GRM7: variants seen among roughly 807,000 people sequenced by gnomAD.
GRM7 encodes glutamate metabotropic receptor 7.
In GRM7, 35 loss-of-function variants were observed where a neutral mutation model predicts 84.5. The ratio of observed to expected loss-of-function variants is 0.41; its 90% CI spans 0.32 to 0.55. The LOEUF (loss-of-function observed/expected upper bound fraction) is 0.55. Among genes scored for constraint, GRM7 ranks in the 20% least tolerant of loss-of-function variants. GRM7 has a pLI of 0.19. For synonymous variants in GRM7, 487 were observed against 455.1 expected (o/e 1.07, Z -0.89); for missense variants, 1,003 against 1,194.6 (o/e 0.84, Z 2.36).
intron 1 of GRM7, among the ~76,000 whole-genome samples, chr3:6,978,215 GT>G (rs921190478): frequency 2.2e-4 from 34 of 152,268 alleles, no homozygotes; most frequent in African/African-American, 7.7e-4. Flanking sequence ...AAGGCTATGT[GT>G]AGAGGGAGGC....
In GRM7 at chr3:7,515,211, C is replaced by CAA. The variant is rs35576148; in HGVS notation, c.1515+53505_1515+53506dup. Among the ~76,000 whole-genome samples the CAA allele has an allele frequency of 2.8e-3, 363 of 128,768 alleles. 7 individuals are homozygous for CAA. Among genetic ancestry groups the CAA allele is most frequent in the Middle Eastern group, 0.012 (3 of 242 alleles). 84.5% of individuals were successfully genotyped at this position (128,768 alleles called of 152,430 possible). A position where few individuals can be genotyped will look rare whatever the true frequency, so the allele number is the denominator to read the frequency against. Reference sequence around the variant, plus strand: ...AAGTGCAGTGTTGAATGTAGAAGGACAAAAAAAAAAAAAAAAAGACATCAA... The same window carrying CAA: ...AAGTGCAGTGTTGAATGTAGAAGGACAAAAAAAAAAAAAAAAAAAGACATCAA... On this transcript the variant is annotated intron_variant, in intron 7 of 9. Coordinates refer to ENST00000357716, the MANE Select transcript of GRM7 (RefSeq NM_000844.4).
chr3:7,387,457 A>G (rs1338550209), intron 4 of GRM7, among the ~76,000 whole-genome samples: 1 of 152,166 alleles, frequency 6.6e-6, no homozygotes, highest in African/African-American at 2.4e-5. Context: ...ATCTTGAGTT[A>G]ATTTTTGTGA....
rs1006716457 is a variant in GRM7, at chr3:6,862,287, A to C, written c.519+380A>C. On this transcript the variant is annotated intron_variant, in intron 1 of 9. Transcript: ENST00000357716. The surrounding 1 kb of genome is among the most constrained non-coding windows in gnomAD (Gnocchi z 5.2). ...TGGTTAGGAGAATGGAATAGGAAAG[A>C]TGAGACGATGCCTGGAAACCGGGCA... 6.6e-6 allele frequency among the ~76,000 whole-genome samples: 1 copy of C among 152,122 alleles called. No individual in the cohort carries two copies. Among genetic ancestry groups the C allele is most frequent in the African/African-American group, 2.4e-5 (1 of 41,438 alleles).
rs186763558 is a variant in GRM7, at chr3:7,303,229, C to T, written c.879-3269C>T. ...TACTGGGATTACAGGCGTGAGCCAC[C>T]GTGCCCAGCTGATTATTCTATTTTT... On this transcript the variant is annotated intron_variant, in intron 3 of 9. Transcript: ENST00000357716. 3.0e-3 allele frequency among the ~76,000 whole-genome samples: 451 copies of T among 152,040 alleles called. 1 individual carries two copies. Among genetic ancestry groups the T allele is most frequent in the African/African-American group, 9.9e-3 (410 of 41,468 alleles).
intron 5 of GRM7, among the ~76,000 whole-genome samples, chr3:7,430,540 C>A: frequency 6.6e-6 from 1 of 152,212 alleles, no homozygotes; most frequent in African/African-American, 2.4e-5. Flanking sequence ...GCTATAAGTA[C>A]TTTAGAACAC....
intron 7 of GRM7, among the ~76,000 whole-genome samples, chr3:7,531,073 T>C (rs910628373): frequency 6.6e-6 from 1 of 152,128 alleles, no homozygotes; most frequent in African/African-American, 2.4e-5. Context: ...GGTTTTATGT[T>C]TTAGGTCTTA....
At chr3:6,894,738 A>T (rs1696112014) in intron 1 of GRM7, among the ~76,000 whole-genome samples, 1 of 152,180 alleles carries the variant, frequency 6.6e-6, no homozygotes, top group Non-Finnish European at 1.5e-5. Context: ...TGACTTTAGG[A>T]TAAAATCAAG....
At chr3:6,955,189 C>G (rs745564368) in intron 1 of GRM7, among the ~76,000 whole-genome samples, 2 of 152,130 alleles carry the variant, frequency 1.3e-5, no homozygotes, top group Non-Finnish European at 2.9e-5. Flanking sequence ...CAAAACAAAA[C>G]AAGATTGTAA....
At chr3:7,635,538 C>T (rs973096801) in intron 8 of GRM7, among the ~76,000 whole-genome samples, 1 of 152,148 alleles carries the variant, frequency 6.6e-6, no homozygotes, top group Non-Finnish European at 1.5e-5. Context: ...AATAGTCTGC[C>T]CTGTTGCCTT....
chr3:7,654,407 C>T (rs1423785538), intron 8 of GRM7, among the ~76,000 whole-genome samples: 1 of 152,104 alleles, frequency 6.6e-6, no homozygotes, highest in African/African-American at 2.4e-5. Context: ...ATCACCCACT[C>T]CAGTCACCAT....
intron 7 of GRM7, among the ~76,000 whole-genome samples, chr3:7,517,783 C>T (rs983501442): frequency 2.0e-5 from 3 of 152,220 alleles, no homozygotes; most frequent in Non-Finnish European, 4.4e-5. Context: ...CCCAGTTCAT[C>T]TTCATAATGA....
At chr3:7,066,561 G>A (rs1697673358) in intron 1 of GRM7, among the ~76,000 whole-genome samples, 1 of 151,872 alleles carries the variant, frequency 6.6e-6, no homozygotes, top group South Asian at 2.1e-4. Flanking sequence ...AAAAGTCCAG[G>A]ACCAGATGGA....
chr3:7,355,738 T>C (rs1693368910), intron 4 of GRM7, among the ~76,000 whole-genome samples: 1 of 152,110 alleles, frequency 6.6e-6, no homozygotes, highest in Non-Finnish European at 1.5e-5. Context: ...ATGGAAGTCG[T>C]GTATCTGTGA....
chr3:7,473,348 A>G lies in GRM7; in HGVS notation c.1515+11626A>G, dbSNP rs530552052. On this transcript the variant is annotated intron_variant, in intron 7 of 9. Transcript: ENST00000357716. ...AAAATATGGATGGGTGTGATGGCACATGCTTGTAGTCCTAGCTACTCAGGA... is the reference window on the plus strand; with the variant it reads ...AAAATATGGATGGGTGTGATGGCACGTGCTTGTAGTCCTAGCTACTCAGGA... Among the ~76,000 whole-genome samples the G allele has an allele frequency of 3.9e-5, 6 of 152,240 alleles. No homozygotes were observed. The East Asian group carries it at 9.7e-4, about 25-fold the overall frequency.
intron 1 of GRM7, among the ~76,000 whole-genome samples, chr3:7,101,753 A>G (rs1470331223): frequency 6.7e-6 from 1 of 148,482 alleles, no homozygotes; most frequent in Non-Finnish European, 1.5e-5. Flanking sequence ...TTATATATAC[A>G]TGTAAATATC....
At chr3:7,532,272 G>T (rs567610378) in intron 7 of GRM7, among the ~76,000 whole-genome samples, 2 of 152,192 alleles carry the variant, frequency 1.3e-5, no homozygotes, top group South Asian at 2.1e-4. Flanking sequence ...TGTTTGGTAG[G>T]TTATTAATTT....
intron 1 of GRM7, among the ~76,000 whole-genome samples, chr3:7,030,331 A>G (rs190502258): frequency 3.3e-4 from 51 of 152,298 alleles, no homozygotes; most frequent in Admixed American, 2.3e-3. Flanking sequence ...GACATAAGAC[A>G]TGGTGGGTTG....
intron 8 of GRM7, among the ~76,000 whole-genome samples, chr3:7,622,872 A>G (rs1246780943): frequency 2.6e-5 from 4 of 152,138 alleles, no homozygotes; most frequent in African/African-American, 9.7e-5. Flanking sequence ...ATGGTATGTC[A>G]TGGTGCTAAC....
intron 2 of GRM7, among the ~76,000 whole-genome samples, chr3:7,232,775 C>T (rs1337151221): frequency 1.3e-5 from 2 of 152,138 alleles, no homozygotes; most frequent in Admixed American, 1.3e-4. Flanking sequence ...GTTTACACAG[C>T]TAGTAAGTAG....
Sources: gnomAD v4.1 joint callset for allele counts (sites outside exome capture counted in the v4.1 genomes callset) on GRCh38, gnomAD v4.1.1 for gene constraint, Gnocchi (gnomAD v3.1) non-coding constraint, MANE v1.5 for transcripts, NCBI Gene and HGNC (gene_info 2026-07-23, HGNC 2026-07-21) for gene names.